LHFPL3: variants seen among roughly 807,000 people sequenced by gnomAD.
LHFPL3 encodes the protein LHFPL tetraspan subfamily member 3, also known as LHFPL tetraspan subfamily member 3 protein.
In LHFPL3, 5 loss-of-function variants were observed where a neutral mutation model predicts 19.3. That is an observed-to-expected ratio of 0.26 (90% confidence interval 0.14 to 0.54). The LOEUF (loss-of-function observed/expected upper bound fraction) is 0.54. LHFPL3 is among the 20% of genes least tolerant of loss of function. The pLI, the probability that LHFPL3 is intolerant of heterozygous loss-of-function variation, is 0.94. For missense variants in LHFPL3, 249 were observed against 307.4 expected (o/e 0.81, Z 1.42); for synonymous variants, 133 against 126.2 (o/e 1.05, Z -0.36).
At chr7:104,484,670 A>G (rs1055271492) in intron 1 of LHFPL3, among the ~76,000 whole-genome samples, 36 of 152,142 alleles carry the variant, frequency 2.4e-4, no homozygotes, top group African/African-American at 8.4e-4. Flanking sequence ...ACAGAGATTT[A>G]TTTCTTATAG....
intron 1 of LHFPL3, among the ~76,000 whole-genome samples, chr7:104,435,974 G>C (rs1049510171): frequency 2.2e-4 from 33 of 152,070 alleles, no homozygotes; most frequent in Admixed American, 2.2e-3. Flanking sequence ...TTGCATTTAA[G>C]TGTGAGAATG....
chr7:104,372,760 C>G (rs1450036677), intron 1 of LHFPL3, among the ~76,000 whole-genome samples: 3 of 152,022 alleles, frequency 2.0e-5, no homozygotes, highest in Non-Finnish European at 4.4e-5. Context: ...TTATAAATAT[C>G]CTTGTATGGT....
intron 1 of LHFPL3, among the ~76,000 whole-genome samples, chr7:104,392,733 A>G (rs560980603): frequency 1.3e-5 from 2 of 151,882 alleles, no homozygotes; most frequent in South Asian, 4.2e-4. Context: ...CTTTTTTTCT[A>G]TTGATTGGAA....
intron 1 of LHFPL3, among the ~76,000 whole-genome samples, chr7:104,591,962 C>A (rs1047988632): frequency 2.0e-5 from 3 of 152,166 alleles, no homozygotes; most frequent in African/African-American, 7.2e-5. Flanking sequence ...GTTTTCAGCT[C>A]CATCAGGTCA....
intron 1 of LHFPL3, among the ~76,000 whole-genome samples, chr7:104,718,286 A>G (rs956680600): frequency 6.6e-6 from 1 of 152,168 alleles, no homozygotes; most frequent in Non-Finnish European, 1.5e-5. Flanking sequence ...GAGGGTGAAT[A>G]TAATGTCCTT....
rs529905685 is a variant in LHFPL3 at position 104,581,985 on chromosome 7, A to G, written c.446-154690A>G. 2.6e-5 allele frequency among the ~76,000 whole-genome samples: 4 copies of G among 152,076 alleles called. No individual in the cohort carries two copies. The South Asian group carries it at 8.3e-4, about 31-fold the overall frequency. On this transcript the variant is annotated intron_variant, in intron 1 of 2. Coordinates refer to ENST00000424859, the MANE Select transcript of LHFPL3 (RefSeq NM_199000.3). Reference sequence around the variant, plus strand: ...CTTTTAATTTTCATATACCTTTAAAAATAAGTTTGTTCATTTTTATCAGAA... The same window carrying G: ...CTTTTAATTTTCATATACCTTTAAAGATAAGTTTGTTCATTTTTATCAGAA...
intron 1 of LHFPL3, among the ~76,000 whole-genome samples, chr7:104,484,170 G>T (rs1306623183): frequency 6.6e-6 from 1 of 152,070 alleles, no homozygotes; most frequent in Non-Finnish European, 1.5e-5. Flanking sequence ...TAGCTGTGCT[G>T]TAACTGTGTC....
chr7:104,714,796 A>C (rs1048299710), intron 1 of LHFPL3, among the ~76,000 whole-genome samples: 8 of 152,180 alleles, frequency 5.3e-5, no homozygotes, highest in Non-Finnish European at 1.0e-4. Context: ...CTCTACAAAA[A>C]GATTGCCAAC....
intron 1 of LHFPL3, among the ~76,000 whole-genome samples, chr7:104,616,239 A>T (rs1791336344): frequency 6.6e-6 from 1 of 152,212 alleles, no homozygotes; most frequent in Non-Finnish European, 1.5e-5. Flanking sequence ...TTCAAACTAT[A>T]CTACAAGGCT....
At chr7:104,862,553 C>A (rs1791635054) in intron 2 of LHFPL3, among the ~76,000 whole-genome samples, 2 of 152,168 alleles carry the variant, frequency 1.3e-5, no homozygotes, top group South Asian at 4.1e-4. Flanking sequence ...AGCACATCCT[C>A]AAGGCAAAGG....
At chr7:104,589,468 G>T (rs1207747240) in intron 1 of LHFPL3, among the ~76,000 whole-genome samples, 1 of 152,232 alleles carries the variant, frequency 6.6e-6, no homozygotes, top group South Asian at 2.1e-4. Context: ...AAACCAACTT[G>T]ATCGTGGTGG....
chr7:104,707,093 T>A (rs1793204833), intron 1 of LHFPL3, among the ~76,000 whole-genome samples: 1 of 152,212 alleles, frequency 6.6e-6, no homozygotes. Flanking sequence ...AACTGCATCA[T>A]CACTCAACCA....
chr7:104,687,462 A>T (rs1371754283), intron 1 of LHFPL3, among the ~76,000 whole-genome samples: 1 of 152,188 alleles, frequency 6.6e-6, no homozygotes, highest in Non-Finnish European at 1.5e-5. Context: ...TCCCCTCTGG[A>T]GGTAGGGGGC....
At chr7:104,733,481 CTTCT>C (rs1793743290) in intron 1 of LHFPL3, among the ~76,000 whole-genome samples, 1 of 152,136 alleles carries the variant, frequency 6.6e-6, no homozygotes, top group African/African-American at 2.4e-5. Flanking sequence ...ATGTAATGGC[CTTCT>C]TTGTCTCTTT....
Position 104,556,030 on chromosome 7 carries a change from G to A in LHFPL3, c.446-180645G>A, listed in dbSNP as rs561846963. ...CCAGGTCACACTGATGCAAGAGGTGGGCTCCCATGGCCTTAGGCAGATCTG... is the reference window on the plus strand; with the variant it reads ...CCAGGTCACACTGATGCAAGAGGTGAGCTCCCATGGCCTTAGGCAGATCTG... On this transcript the variant is annotated intron_variant, in intron 1 of 2. Coordinates refer to ENST00000424859, the MANE Select transcript of LHFPL3 (RefSeq NM_199000.3). Among the ~76,000 whole-genome samples the A allele has an allele frequency of 2.6e-4, 39 of 152,314 alleles. No homozygotes were observed. In the South Asian group the frequency reaches 7.9e-3, roughly 31 times the overall value.
chr7:104,700,479 G>A (rs1159281067), intron 1 of LHFPL3, among the ~76,000 whole-genome samples: 1 of 152,204 alleles, frequency 6.6e-6, no homozygotes, highest in East Asian at 1.9e-4. Context: ...TAGTGGGTAA[G>A]GAGTGCATGT....
chr7:104,596,730 C>A (rs1189480543), intron 1 of LHFPL3, among the ~76,000 whole-genome samples: 1 of 152,198 alleles, frequency 6.6e-6, no homozygotes, highest in African/African-American at 2.4e-5. Flanking sequence ...CCGTGTAATA[C>A]AACTTAAGAT....
chr7:104,614,653 C>CCTTCCTTCCT (rs1791284308), intron 1 of LHFPL3, among the ~76,000 whole-genome samples: 5 of 51,530 alleles, frequency 9.7e-5, no homozygotes, highest in Admixed American at 2.5e-4. Context: ...CTTCTCTTCT[C>CCTTCCTTCCT]TCCTTCCTTC....
intron 1 of LHFPL3, among the ~76,000 whole-genome samples, chr7:104,628,353 T>C (rs531853007): frequency 2.6e-5 from 4 of 152,158 alleles, no homozygotes; most frequent in East Asian, 1.9e-4. Flanking sequence ...TCAGCTAAGA[T>C]AGCACAACAG....
Sources: gnomAD v4.1 joint callset for allele counts (sites outside exome capture counted in the v4.1 genomes callset) on GRCh38, gnomAD v4.1.1 for gene constraint, MANE v1.5 for transcripts, NCBI Gene and HGNC (gene_info 2026-07-23, HGNC 2026-07-21) for gene names.